Variants in DCAF8L2 observed in about 807,000 individuals in gnomAD.
The protein encoded by DCAF8L2 is DDB1- and CUL4-associated factor 8-like protein 2.
For missense variants in DCAF8L2, 430 were observed against 490.7 expected (o/e 0.88, Z 1.17); for synonymous variants, 200 against 190.9 (o/e 1.05, Z -0.39).
At chrX:27,692,130 A>G (rs982806856) in intron 3 of DCAF8L2, among the ~76,000 whole-genome samples, 15 of 111,974 alleles carry the variant, frequency 1.3e-4, no homozygotes, top group African/African-American at 4.5e-4. Flanking sequence ...CATCTTCCAA[A>G]TATCTTCCAG....
chrX:27,502,335 A>AAAAAAT, the DCAF8L2 span, among the ~76,000 whole-genome samples: 7 of 12,716 alleles, frequency 5.5e-4, no homozygotes, highest in Non-Finnish European at 1.1e-3. Flanking sequence ...AAAAAAAAAA[A>AAAAAAT]ATATATATAT....
At chrX:27,642,660 T>C (rs1015310927) in intron 2 of DCAF8L2, among the ~76,000 whole-genome samples, 1 of 111,883 alleles carries the variant, frequency 8.9e-6, no homozygotes, top group Non-Finnish European at 1.9e-5. Flanking sequence ...TCAAGGACAC[T>C]GCTGGGCTTT....
the DCAF8L2 span, among the ~76,000 whole-genome samples, chrX:27,517,559 C>T: frequency 9.0e-6 from 1 of 110,700 alleles, no homozygotes; most frequent in Non-Finnish European, 1.9e-5. Context: ...TCTCCATTCC[C>T]TGGACCAAAA....
At chrX:27,517,918 T>C in the DCAF8L2 span, 1 of 1,186,470 alleles carries the variant, frequency 8.4e-7, no homozygotes, top group South Asian at 1.8e-5. Context: ...TTTGACCAGA[T>C]GGTGAAAACA....
chrX:27,639,807 T>C (rs1453710643), intron 2 of DCAF8L2, among the ~76,000 whole-genome samples: 2 of 112,336 alleles, frequency 1.8e-5, no homozygotes, highest in Non-Finnish European at 3.8e-5. Flanking sequence ...GCATTTTTCA[T>C]AGAACTTTTC....
rs953464378 is a variant in DCAF8L2 at position 27,748,956 on chromosome X, C to G, written c.*165C>G. ...TCTTCCATTCCTTCCTCTCTACTTT[C>G]CTTTCTTTCTTCCACACATTCTTTC... On this transcript the variant is annotated 3_prime_UTR_variant, in exon 5 of 5. Coordinates refer to ENST00000451261, the MANE Select transcript of DCAF8L2 (RefSeq NM_001353450.2). 1.1e-5 allele frequency: 7 copies of G among 625,297 alleles called. No individual in the cohort carries two copies. Among genetic ancestry groups the G allele is most frequent in the Non-Finnish European group, 1.6e-5 (7 of 434,438 alleles). 51.5% of individuals were successfully genotyped at this position (625,297 alleles called of 1,213,427 possible). A position where few individuals can be genotyped will look rare whatever the true frequency, so the allele number is the denominator to read the frequency against.
the DCAF8L2 span, among the ~76,000 whole-genome samples, chrX:27,569,365 A>G: frequency 8.9e-6 from 1 of 112,125 alleles, no homozygotes; most frequent in African/African-American, 3.2e-5. Context: ...AATTTGACCT[A>G]ACAAAGTGAT....
intron 2 of DCAF8L2, among the ~76,000 whole-genome samples, chrX:27,664,629 T>C (rs1336092604): frequency 8.9e-6 from 1 of 112,223 alleles, no homozygotes; most frequent in Non-Finnish European, 1.9e-5. Context: ...AGAGGCCGTC[T>C]AGGACATTGA....
chrX:27,514,191 C>T, the DCAF8L2 span, among the ~76,000 whole-genome samples: 38 of 84,181 alleles, frequency 4.5e-4, no homozygotes, highest in South Asian at 9.0e-3. Flanking sequence ...TGTACCCGTG[C>T]ACACATATGT....
At chrX:27,534,797 A>T in the DCAF8L2 span, among the ~76,000 whole-genome samples, 2 of 112,026 alleles carry the variant, frequency 1.8e-5, no homozygotes, top group Admixed American at 1.9e-4. Flanking sequence ...GAAGTTAAGG[A>T]TTCCCAAATT....
At chrX:27,513,172 A>C in the DCAF8L2 span, among the ~76,000 whole-genome samples, 2 of 111,921 alleles carry the variant, frequency 1.8e-5, no homozygotes, top group East Asian at 2.8e-4. Flanking sequence ...CTCTTCATGA[A>C]ATTGGGCTGG....
At chrX:27,574,881 A>G in the DCAF8L2 span, among the ~76,000 whole-genome samples, 812 of 111,279 alleles carry the variant, frequency 7.3e-3, 6 homozygotes, top group Non-Finnish European at 0.011. Context: ...TGAAGCCCCA[A>G]TGGGTATGTG....
At chrX:27,707,260 G>C (rs1931375148) in intron 3 of DCAF8L2, among the ~76,000 whole-genome samples, 1 of 111,702 alleles carries the variant, frequency 9.0e-6, no homozygotes, top group Admixed American at 9.5e-5. Flanking sequence ...AATTTCAATG[G>C]ATGATTTTTA....
chrX:27,503,292 T>C, the DCAF8L2 span, among the ~76,000 whole-genome samples: 1 of 111,647 alleles, frequency 9.0e-6, no homozygotes, highest in South Asian at 3.7e-4. Context: ...GGCCAAAAAA[T>C]TTAATTTGGT....
chrX:27,579,492 A>C, the DCAF8L2 span, among the ~76,000 whole-genome samples: 1 of 110,467 alleles, frequency 9.1e-6, no homozygotes, highest in Non-Finnish European at 1.9e-5. Flanking sequence ...TAGGTGCTGC[A>C]AACCACCATG....
intron 2 of DCAF8L2, among the ~76,000 whole-genome samples, chrX:27,653,908 A>G (rs1929250490): frequency 9.0e-6 from 1 of 111,549 alleles, no homozygotes; most frequent in African/African-American, 3.3e-5. Flanking sequence ...GACATTGCAA[A>G]TTATGGGACA....
intron 2 of DCAF8L2, among the ~76,000 whole-genome samples, chrX:27,653,809 G>A (rs1042477661): frequency 5.5e-5 from 6 of 109,903 alleles, no homozygotes; most frequent in African/African-American, 2.0e-4. Flanking sequence ...CTGCCAGTTA[G>A]TGAATATTCC....
chrX:27,608,164 G>C (rs1926994636), intron 1 of DCAF8L2, among the ~76,000 whole-genome samples: 1 of 111,401 alleles, frequency 9.0e-6, no homozygotes, highest in Non-Finnish European at 1.9e-5. Flanking sequence ...AGTAACAAGA[G>C]TGCTAACATA....
the DCAF8L2 span, among the ~76,000 whole-genome samples, chrX:27,567,754 G>A: frequency 9.3e-6 from 1 of 107,674 alleles, no homozygotes; most frequent in African/African-American, 3.4e-5. Context: ...GCTGAAGAAA[G>A]CAGAAGCAAA....
Sources: gnomAD v4.1 joint callset for allele counts (sites outside exome capture counted in the v4.1 genomes callset) on GRCh38, gnomAD v4.1.1 for gene constraint, MANE v1.5 for transcripts, NCBI Gene and HGNC (gene_info 2026-07-23, HGNC 2026-07-21) for gene names.